PIK3R4: variants seen among roughly 807,000 people sequenced by gnomAD.
PIK3R4 encodes the protein phosphoinositide-3-kinase regulatory subunit 4.
PIK3R4 carries 46 observed loss-of-function variants against 136.5 expected under a neutral mutation model. The ratio of observed to expected loss-of-function variants is 0.34; its 90% CI spans 0.27 to 0.43. PIK3R4 has a LOEUF of 0.43. Among genes scored for constraint, PIK3R4 ranks in the 20% least tolerant of loss-of-function variants. PIK3R4 has a pLI of 1.00. For missense variants in PIK3R4, 1,331 were observed against 1,649.5 expected (o/e 0.81, Z 3.35); for synonymous variants, 557 against 566.7 (o/e 0.98, Z 0.24).
At position 130,679,132 on chromosome 3, in the gene PIK3R4, A is replaced by ATAAG. The variant is rs1260779820; in HGVS notation, c.*179_*182dup. 4 of 366,552 alleles carry ATAAG rather than the reference A, an allele frequency of 1.1e-5. No individual in the cohort carries two copies. Among genetic ancestry groups the ATAAG allele is most frequent in the African/African-American group, 6.3e-5 (3 of 47,722 alleles). The allele number at this position is 366,552 out of a possible 1,614,324, so 22.7% of individuals were successfully genotyped here. On this transcript the variant is annotated 3_prime_UTR_variant, in exon 20 of 20. Transcript: ENST00000356763. ...CTGGCTGATTCTTGCAAAGAGATGC[A>ATAAG]TAAGTAAACTAGTCAAGTACATCTT...
intron 16 of PIK3R4, among the ~76,000 whole-genome samples, chr3:130,682,826 GGT>G (rs1559818817): frequency 1.3e-5 from 2 of 152,200 alleles, no homozygotes; most frequent in Admixed American, 1.3e-4. Context: ...TAGAATTGTA[GGT>G]GATAAGGGTC....
At chr3:130,705,860 AT>A (rs66478513) in intron 11 of PIK3R4, 89 bp from the exon 12 acceptor site, 10,122 of 698,136 alleles carry the variant, frequency 0.014, 435 homozygotes, top group African/African-American at 0.095. Flanking sequence ...TCTATAAATT[AT>A]AACAGCTTTT....
chr3:130,739,672 T>A (rs1020954116), intron 2 of PIK3R4, among the ~76,000 whole-genome samples: 1 of 152,104 alleles, frequency 6.6e-6, no homozygotes. Flanking sequence ...ACACCAAGCA[T>A]ATTTGCACAT....
intron 9 of PIK3R4, among the ~76,000 whole-genome samples, chr3:130,712,563 G>C (rs889413377): frequency 2.6e-5 from 4 of 151,972 alleles, no homozygotes; most frequent in African/African-American, 9.7e-5. Context: ...AGCTACTCAG[G>C]GGGCTGAGAC....
chr3:130,733,693 A>G lies in PIK3R4; in HGVS notation c.1305T>C (p.Ala435=). 1 of 1,614,182 alleles carries G rather than the reference A, an allele frequency of 6.2e-7. No individual in the cohort carries two copies. Among genetic ancestry groups the G allele is most frequent in the Non-Finnish European group, 8.5e-7 (1 of 1,179,982 alleles). The part of the protein sequence containing the change: ...FSNDSVPRVR[A]EALRTLTKVL... Reference sequence around the variant, plus strand: ...CTTTGGTCAACGTCCTCAAGGCTTCAGCCCTCACCCTAGGAACAGAGTCAT... The same window carrying G: ...CTTTGGTCAACGTCCTCAAGGCTTCGGCCCTCACCCTAGGAACAGAGTCAT... Residue 435 remains alanine (A), a synonymous_variant, in exon 4 of 20, where the codon GCT becomes GCC. Transcript: ENST00000356763.
At position 130,723,418 on chromosome 3, in the gene PIK3R4, A is replaced by G; in HGVS notation, c.1977T>C (p.Asp659=). The part of the protein sequence containing the change: ...QKPHVYEFAS[D]IAPFLCHPNL... ...TTTTGAGAAACAGAAACTTACCAAT[A>G]TCACTGGCAAATTCGTAAACATGGG... The change falls in exon 7 of 20, where the codon GAT becomes GAC. Residue 659 remains aspartate (D), a synonymous_variant. Transcript: ENST00000356763. The G allele has an allele frequency of 6.3e-7, 1 of 1,599,494 alleles. No individual in the cohort carries two copies. The highest frequency in any genetic ancestry group is 8.5e-7 in the Non-Finnish European group (1 of 1,175,038).
intron 4 of PIK3R4, among the ~76,000 whole-genome samples, chr3:130,731,234 G>A (rs978625916): frequency 5.9e-5 from 9 of 152,144 alleles, no homozygotes; most frequent in Non-Finnish European, 1.2e-4. Flanking sequence ...GTCAAAGACT[G>A]TACTCTTTTC....
At position 130,745,268 on chromosome 3, in the gene PIK3R4, T is replaced by C. The variant is rs1002192257; in HGVS notation, c.-46-4A>G. On this transcript the variant is annotated splice_polypyrimidine_tract_variant and splice_region_variant and intron_variant, in intron 1 of 19. Coordinates refer to ENST00000356763, the MANE Select transcript of PIK3R4 (RefSeq NM_014602.3). Reference sequence around the variant, plus strand: ...TAGTAAGGTTAGGATATAATACCTGTTTAAAATAAAAACAAATGAAGAAAA... The same window carrying C: ...TAGTAAGGTTAGGATATAATACCTGCTTAAAATAAAAACAAATGAAGAAAA... 3.3e-6 allele frequency: 5 copies of C among 1,493,546 alleles called. No homozygotes were observed. Among genetic ancestry groups the C allele is most frequent in the Non-Finnish European group, 4.5e-6 (5 of 1,123,428 alleles). 92.5% of individuals were successfully genotyped at this position (1,493,546 alleles called of 1,614,324 possible).
At chr3:130,712,954 CAGAT>C (rs766388463) in intron 9 of PIK3R4, among the ~76,000 whole-genome samples, 2 of 152,152 alleles carry the variant, frequency 1.3e-5, no homozygotes, top group Non-Finnish European at 2.9e-5. Flanking sequence ...GCTTTGGAAT[CAGAT>C]AGGTTTAGAT....
Position 130,707,676 on chromosome 3 carries a change from T to C in PIK3R4, c.2534-541A>G, listed in dbSNP as rs563887482. Among the ~76,000 whole-genome samples, 17 of 152,324 alleles carry C rather than the reference T, an allele frequency of 1.1e-4. 1 individual carries two copies. The South Asian group carries it at 3.5e-3, about 32-fold the overall frequency. On this transcript the variant is annotated intron_variant, in intron 10 of 19. Transcript: ENST00000356763. ...TGTAATTCATTAGCTGCCTTCAAAA[T>C]CTAATGCTAGAATAGAGGAAATTTT... is the stretch of plus-strand genomic sequence containing the variant.
intron 9 of PIK3R4, among the ~76,000 whole-genome samples, chr3:130,712,834 A>G (rs1369938085): frequency 6.6e-6 from 1 of 152,184 alleles, no homozygotes. Context: ...TAAACTGCAC[A>G]TGGGCTTCTC....
At chr3:130,737,455 T>C (rs2066792399) in intron 2 of PIK3R4, among the ~76,000 whole-genome samples, 6 of 151,882 alleles carry the variant, frequency 4.0e-5, no homozygotes, top group Admixed American at 3.9e-4. Context: ...AGGTCAGGAG[T>C]TCGAGACCAG....
At chr3:130,714,672 G>A (rs770607381) in intron 9 of PIK3R4, among the ~76,000 whole-genome samples, 5 of 148,264 alleles carry the variant, frequency 3.4e-5, no homozygotes, top group Non-Finnish European at 5.9e-5. Context: ...CTCACTGTTC[G>A]GCTCCCACTT....
chr3:130,731,537 A>C (rs779631852), intron 4 of PIK3R4, among the ~76,000 whole-genome samples: 1 of 152,166 alleles, frequency 6.6e-6, no homozygotes, highest in Non-Finnish European at 1.5e-5. Flanking sequence ...CCATATCCTG[A>C]TAATATGTCA....
At chr3:130,690,405 C>A (rs1274430188) in intron 14 of PIK3R4, 85 bp downstream of exon 14, 10 of 710,974 alleles carry the variant, frequency 1.4e-5, no homozygotes, top group Non-Finnish European at 2.1e-5. Context: ...TTAGTTGATC[C>A]CAACTACATT....
At chr3:130,695,761 T>A (rs2066542483) in intron 13 of PIK3R4, among the ~76,000 whole-genome samples, 1 of 152,180 alleles carries the variant, frequency 6.6e-6, no homozygotes, top group African/African-American at 2.4e-5. Context: ...ATCATAGATA[T>A]GTACACATAA....
chr3:130,739,970 G>T (rs545139508), intron 2 of PIK3R4, among the ~76,000 whole-genome samples: 78 of 152,268 alleles, frequency 5.1e-4, no homozygotes, highest in Admixed American at 1.2e-3. Context: ...GCATGTAAAA[G>T]CTGGTGAAAA....
In PIK3R4 at chr3:130,745,171, T is replaced by A; in HGVS notation, c.48A>T (p.Val16=). The A allele has an allele frequency of 6.2e-7, 1 of 1,610,954 alleles. No individual in the cohort carries two copies. The highest frequency in any genetic ancestry group is 8.5e-7 in the Non-Finnish European group (1 of 1,179,728). The change falls in exon 2 of 20, where the codon GTA becomes GTT. Residue 16 remains valine (V), a synonymous_variant. Coordinates refer to ENST00000356763, the MANE Select transcript of PIK3R4 (RefSeq NM_014602.3). ...AGIAPSQILS[V]ESYFSDIHDF... is the part of the protein sequence containing the mutation. The stretch of plus-strand genomic sequence containing the variant: ...CATGAATATCTGAAAAATAACTCTC[T>A]ACAGAAAGGATCTGGGAGGGAGCAA...
At chr3:130,708,946 T>C (rs184899125) in intron 9 of PIK3R4, among the ~76,000 whole-genome samples, 5 of 152,278 alleles carry the variant, frequency 3.3e-5, no homozygotes, top group African/African-American at 9.6e-5. Context: ...TGAATGAGTA[T>C]GTAAAGGCAT....
Sources: gnomAD v4.1 joint callset for allele counts (sites outside exome capture counted in the v4.1 genomes callset) on GRCh38, gnomAD v4.1.1 for gene constraint, MANE v1.5 for transcripts, NCBI Gene and HGNC (gene_info 2026-07-23, HGNC 2026-07-21) for gene names.